Variants in FMN2 observed in about 807,000 individuals in gnomAD.
FMN2 encodes the protein formin 2.
FMN2 carries 51 observed loss-of-function variants against 142.3 expected under a neutral mutation model. That is an observed-to-expected ratio of 0.36 (90% CI 0.29 to 0.45). FMN2 has a LOEUF of 0.45. Ranked by LOEUF, FMN2 falls within the 20% of genes least tolerant of loss-of-function variation. FMN2 has a pLI of 1.00. For synonymous variants in FMN2, 882 were observed against 869.8 expected, an observed-to-expected ratio of 1.01 and a Z score of -0.25; for missense variants, 1,936 against 2,122.8, an observed-to-expected ratio of 0.91 and a Z score of 1.73.
At chr1:240,353,869 G>A (rs1672179309) in intron 13 of FMN2, among the ~76,000 whole-genome samples, 1 of 152,124 alleles carries the variant, frequency 6.6e-6, no homozygotes, top group African/African-American at 2.4e-5. Flanking sequence ...CCTGCTTGGA[G>A]ACAAGTGGCA....
chr1:240,139,785 G>A (rs1054345439), intron 2 of FMN2, among the ~76,000 whole-genome samples: 9 of 152,166 alleles, frequency 5.9e-5, no homozygotes, highest in Admixed American at 2.0e-4. Flanking sequence ...GTCAGTCCAC[G>A]TGTGTGATTA....
intron 15 of FMN2, among the ~76,000 whole-genome samples, chr1:240,411,227 T>C (rs999716893): frequency 1.3e-5 from 2 of 152,226 alleles, no homozygotes; most frequent in Non-Finnish European, 2.9e-5. Flanking sequence ...CTTTAAATAA[T>C]TGAAGGAATT....
chr1:240,258,722 T>C (rs1025574324), intron 7 of FMN2, among the ~76,000 whole-genome samples: 6 of 152,194 alleles, frequency 3.9e-5, no homozygotes, highest in African/African-American at 1.4e-4. Context: ...GCCATTCTTA[T>C]GCCATATCCT....
intron 2 of FMN2, among the ~76,000 whole-genome samples, chr1:240,163,840 CTG>C (rs1319118418): frequency 3.9e-5 from 6 of 151,926 alleles, no homozygotes; most frequent in South Asian, 2.1e-4. Flanking sequence ...ATTTTAAAAA[CTG>C]TAATTTTACC....
At chr1:240,365,140 G>GGTGT (rs370991582) in intron 14 of FMN2, among the ~76,000 whole-genome samples, 37 of 149,936 alleles carry the variant, frequency 2.5e-4, no homozygotes, top group African/African-American at 9.3e-4. Context: ...TGCATATATA[G>GGTGT]ATATAGATAT....
chr1:240,357,284 A>C (rs1672302870), intron 14 of FMN2, among the ~76,000 whole-genome samples: 1 of 152,194 alleles, frequency 6.6e-6, no homozygotes, highest in Non-Finnish European at 1.5e-5. Context: ...ATATAAACAA[A>C]TGTCACTCTT....
chr1:240,247,589 A>G (rs775147855), intron 6 of FMN2, among the ~76,000 whole-genome samples: 11 of 152,198 alleles, frequency 7.2e-5, no homozygotes, highest in African/African-American at 2.4e-4. Context: ...ACATGAGCCA[A>G]TTGGGTTTAA....
At chr1:240,285,673 T>C (rs1669561750) in intron 7 of FMN2, among the ~76,000 whole-genome samples, 1 of 152,074 alleles carries the variant, frequency 6.6e-6, no homozygotes, top group Non-Finnish European at 1.5e-5. Context: ...CTAGGATAAA[T>C]GTTTAGCACG....
chr1:240,299,499 GA>G (rs1443877460), intron 8 of FMN2, among the ~76,000 whole-genome samples: 2 of 152,100 alleles, frequency 1.3e-5, no homozygotes, highest in Non-Finnish European at 1.5e-5. Flanking sequence ...ACTCAGAAGT[GA>G]TACCTTTACC....
chr1:240,148,428 C>A (rs942238954), intron 2 of FMN2, among the ~76,000 whole-genome samples: 7 of 140,816 alleles, frequency 5.0e-5, no homozygotes, highest in African/African-American at 1.8e-4. Flanking sequence ...AGGAAAGATA[C>A]AGAAAGAGAG....
rs563510634 is a variant in FMN2 at position 240,212,160 on chromosome 1, T to G, written c.4065+925T>G. The stretch of plus-strand genomic sequence containing the variant: ...TAGGAGTTCCAGCTAATGGGGTGAT[T>G]CCTCGAATTTGTGCCTCTGACCTGG... On this transcript the variant is annotated intron_variant, in intron 6 of 17. Transcript: ENST00000319653. Among the ~76,000 whole-genome samples, 409 of 152,274 alleles carry G rather than the reference T, an allele frequency of 2.7e-3. 3 individuals are homozygous for G. The South Asian group carries it at 0.027, about 10-fold the overall frequency.
chr1:240,143,056 G>T, intron 2 of FMN2: 1 of 1,499,894 alleles, frequency 6.7e-7, no homozygotes, highest in Non-Finnish European at 9.3e-7. Context: ...CTGTGGTAGG[G>T]GCAGAGGGTA....
At chr1:240,281,534 G>A (rs187309014) in intron 7 of FMN2, among the ~76,000 whole-genome samples, 37 of 152,182 alleles carry the variant, frequency 2.4e-4, no homozygotes, top group African/African-American at 8.9e-4. Flanking sequence ...TTTGTTCAAT[G>A]AATCAATGAT....
At chr1:240,184,597 G>A (rs1480378727) in intron 3 of FMN2, among the ~76,000 whole-genome samples, 2 of 142,014 alleles carry the variant, frequency 1.4e-5, no homozygotes, top group South Asian at 4.7e-4. Flanking sequence ...CATTTTAAAT[G>A]TACCCTTGAG....
intron 14 of FMN2, among the ~76,000 whole-genome samples, chr1:240,374,760 T>G: frequency 6.6e-6 from 1 of 152,194 alleles, no homozygotes; most frequent in East Asian, 1.9e-4. Flanking sequence ...GTCCTTCATT[T>G]CTTCACTGAA....
intron 1 of FMN2, among the ~76,000 whole-genome samples, chr1:240,109,133 G>T (rs926320325): frequency 6.6e-6 from 1 of 152,198 alleles, no homozygotes; most frequent in Non-Finnish European, 1.5e-5. Flanking sequence ...TCAAACAGAT[G>T]ATTAAAATTG....
At chr1:240,352,219 T>C (rs1169515351) in intron 13 of FMN2, among the ~76,000 whole-genome samples, 5 of 152,182 alleles carry the variant, frequency 3.3e-5, no homozygotes, top group Admixed American at 1.3e-4. Context: ...GTTTTGTCAG[T>C]TCTGTTCGTG....
chr1:240,325,343 C>CAA (rs5782134), intron 8 of FMN2, among the ~76,000 whole-genome samples: 31,260 of 107,762 alleles, frequency 0.29, 4,271 homozygotes, highest in Admixed American at 0.39. Context: ...ACCCTGTCTC[C>CAA]AAAAAAAAAA....
chr1:240,118,907 T>C (rs1662126318), intron 1 of FMN2, among the ~76,000 whole-genome samples: 2 of 152,070 alleles, frequency 1.3e-5, no homozygotes, highest in Admixed American at 6.5e-5. Context: ...GATAGTAGGG[T>C]CTAGCCAGTG....
Sources: gnomAD v4.1 joint callset for allele counts (sites outside exome capture counted in the v4.1 genomes callset) on GRCh38, gnomAD v4.1.1 for gene constraint, MANE v1.5 for transcripts, NCBI Gene and HGNC (gene_info 2026-07-23, HGNC 2026-07-21) for gene names.